The following HTT-AS variants were observed in gnomAD, a reference collection of about 807,000 sequenced individuals.
HTT-AS encodes the protein HTT antisense RNA (head to head).
chr4:3,070,214 T>C (rs1352159826), intron 1 of HTT-AS: 2 of 152,080 alleles, frequency 1.3e-5, no homozygotes, highest in Non-Finnish European at 2.9e-5. Context: ...AAGATTAAGA[T>C]ATAAACCGCC....
chr4:3,068,747 TG>T (rs1384657640), intron 1 of HTT-AS, among the ~76,000 whole-genome samples: 51 of 151,892 alleles, frequency 3.4e-4, no homozygotes, highest in African/African-American at 1.2e-3. Flanking sequence ...CTCTGCCCCT[TG>T]GGCTCAAATG....
chr4:3,068,230 C>T lies in HTT-AS; in HGVS notation n.114-4530G>A, dbSNP rs543678912. On this transcript the variant is annotated intron_variant and non_coding_transcript_variant, in intron 1 of 2. Coordinates refer to ENST00000664062, the Ensembl canonical transcript of HTT-AS. ...CTGAGGCAGGAGAATGGCGTGAACCCGGGAGGCGGAGCTTGCAGTGAGCCG... is the reference window on the plus strand; with the variant it reads ...CTGAGGCAGGAGAATGGCGTGAACCTGGGAGGCGGAGCTTGCAGTGAGCCG... 1.2e-4 allele frequency among the ~76,000 whole-genome samples: 17 copies of T among 140,550 alleles called. No individual in the cohort carries two copies. The East Asian group carries it at 1.6e-3, about 13-fold the overall frequency. 92.2% of individuals were successfully genotyped at this position (140,550 alleles called of 152,430 possible).
At chr4:3,063,342 G>A (rs1466371494) in exon 2 of HTT-AS, 10 of 152,492 alleles carry the variant, frequency 6.6e-5, no homozygotes, top group Admixed American at 6.5e-4. Context: ...CCTTGCTCAG[G>A]GCTGCCTGGT....
chr4:3,061,986 TAAAAAAAAAAAAAAAAA>T (rs548695397), intron 2 of HTT-AS, among the ~76,000 whole-genome samples: 3 of 63,420 alleles, frequency 4.7e-5, no homozygotes, highest in Non-Finnish European at 9.7e-5. Context: ...TATCTCAAAT[TAAAAAAAAAAAAAAAAA>T]AAAAAAAAAA....
At chr4:3,066,111 A>G (rs1191928526) in intron 1 of HTT-AS, among the ~76,000 whole-genome samples, 1 of 152,232 alleles carries the variant, frequency 6.6e-6, no homozygotes, top group Non-Finnish European at 1.5e-5. Context: ...GCCAAACACC[A>G]GGGCTGCTTC....
intron 2 of HTT-AS, among the ~76,000 whole-genome samples, chr4:3,061,126 GA>G (rs1711918116): frequency 6.6e-6 from 1 of 152,216 alleles, no homozygotes; most frequent in Admixed American, 6.5e-5. Flanking sequence ...TATTACCCCA[GA>G]ACCTTGGGTA....
At chr4:3,064,964 A>T (rs1712015446) in intron 1 of HTT-AS, among the ~76,000 whole-genome samples, 1 of 152,244 alleles carries the variant, frequency 6.6e-6, no homozygotes, top group South Asian at 2.1e-4. Flanking sequence ...TATTTCAATA[A>T]TGCATGGATG....
At chr4:3,048,115 C>T (rs1317046616), downstream of HTT-AS, among the ~76,000 whole-genome samples, 1 of 152,120 alleles carries the variant, frequency 6.6e-6, no homozygotes, top group East Asian at 1.9e-4. Context: ...GTCCCCTGGG[C>T]CCAGCTGTCT....
chr4:3,067,830 C>T (rs966496509), intron 1 of HTT-AS, among the ~76,000 whole-genome samples: 5 of 152,140 alleles, frequency 3.3e-5, no homozygotes, highest in Non-Finnish European at 4.4e-5. Context: ...AAGGGGACCT[C>T]GAGGGCCATC....
rs368155721 is a variant in HTT-AS, at chr4:3,064,096, G to GT, written n.114-397dup. ...GGAAAGCTGTAACACAAATAATAAA[G>GT]TTTTTTTTTTTTTTTTTGAGATGGA... On this transcript the variant is annotated intron_variant and non_coding_transcript_variant, in intron 1 of 2. Transcript: ENST00000664062. Among the ~76,000 whole-genome samples, 1,119 of 136,006 alleles carry GT rather than the reference G, an allele frequency of 8.2e-3. 22 individuals carry two copies. Among genetic ancestry groups the GT allele is most frequent in the Middle Eastern group, 0.028 (7 of 254 alleles). The allele number at this position is 136,006 out of a possible 152,430, so 89.2% of individuals were successfully genotyped here.
At chr4:3,074,524 A>G (rs1157834991) in exon 1 of HTT-AS, 4 of 287,676 alleles carry the variant, frequency 1.4e-5, no homozygotes, top group Non-Finnish European at 2.5e-5. Flanking sequence ...TGTGTGAGGC[A>G]GAACCTGCGG....
At chr4:3,053,961 T>C (rs10021325) in intron 2 of HTT-AS, among the ~76,000 whole-genome samples, 15,596 of 151,902 alleles carry the variant, frequency 0.1, 1,191 homozygotes, top group African/African-American at 0.21. Context: ...GGTTTCACCA[T>C]GTTGGCCAGG....
intron 2 of HTT-AS, among the ~76,000 whole-genome samples, chr4:3,061,809 A>G (rs1385942212): frequency 6.8e-6 from 1 of 146,810 alleles, no homozygotes; most frequent in Non-Finnish European, 1.5e-5. Context: ...ATGAAACCCC[A>G]TCTCTACTAA....
chr4:3,055,654 A>G (rs1711792205), intron 2 of HTT-AS, among the ~76,000 whole-genome samples: 1 of 152,202 alleles, frequency 6.6e-6, no homozygotes, highest in Non-Finnish European at 1.5e-5. Flanking sequence ...TGTAAGCCAG[A>G]AGGAACCCAG....
At chr4:3,065,290 G>A (rs1479796477) in intron 1 of HTT-AS, among the ~76,000 whole-genome samples, 1 of 151,540 alleles carries the variant, frequency 6.6e-6, no homozygotes, top group Non-Finnish European at 1.5e-5. Context: ...CCAGGCTGGA[G>A]TGCAGTGGTG....
At chr4:3,066,199 C>T (rs1475434641) in intron 1 of HTT-AS, among the ~76,000 whole-genome samples, 2 of 152,048 alleles carry the variant, frequency 1.3e-5, no homozygotes, top group African/African-American at 4.8e-5. Context: ...GAGGTGGCGT[C>T]TCACTCTGTT....
At chr4:3,057,923 G>C (rs777071963) in intron 2 of HTT-AS, among the ~76,000 whole-genome samples, 25 of 151,844 alleles carry the variant, frequency 1.6e-4, no homozygotes, top group Non-Finnish European at 2.9e-4. Context: ...ACGCCCTGCT[G>C]ATTATTTCTT....
chr4:3,058,431 C>A (rs563432985), intron 2 of HTT-AS, among the ~76,000 whole-genome samples: 6 of 152,268 alleles, frequency 3.9e-5, no homozygotes, highest in African/African-American at 1.4e-4. Flanking sequence ...CATGTTAATG[C>A]ATTATAATTA....
chr4:3,050,656 T>C (rs1346978353), intron 2 of HTT-AS, among the ~76,000 whole-genome samples: 2 of 152,214 alleles, frequency 1.3e-5, no homozygotes, highest in Non-Finnish European at 1.5e-5. Context: ...ATTTCTATGA[T>C]TTACAGTAAC....
Sources: allele counts gnomAD v4.1 joint callset (sites outside exome capture counted in the v4.1 genomes callset), GRCh38; gene constraint gnomAD v4.1.1; transcripts MANE v1.5; gene names NCBI Gene and HGNC (gene_info 2026-07-23, HGNC 2026-07-21).